Variants in KIF18A observed in about 807,000 individuals in gnomAD.
KIF18A encodes the protein kinesin family member 18A.
KIF18A carries 67 observed loss-of-function variants against 103.3 expected under a neutral mutation model. The observed-to-expected ratio is 0.65, with a 90% CI of 0.53 to 0.79. KIF18A has a LOEUF of 0.79. KIF18A is among the 30% of genes least tolerant of loss of function. The pLI is 0.00. For synonymous variants in KIF18A, 367 were observed against 355.5 expected (o/e 1.03, Z -0.36); for missense variants, 1,032 against 1,062.5 (o/e 0.97, Z 0.40).
chr11:28,069,002 A>G (rs567305692), intron 11 of KIF18A, among the ~76,000 whole-genome samples: 1 of 152,212 alleles, frequency 6.6e-6, no homozygotes, highest in Non-Finnish European at 1.5e-5. Flanking sequence ...TTTGCATAAA[A>G]TATCAAGATT....
At chr11:28,092,283 C>G (rs1219819720) in intron 3 of KIF18A, among the ~76,000 whole-genome samples, 1 of 152,058 alleles carries the variant, frequency 6.6e-6, no homozygotes, top group Non-Finnish European at 1.5e-5. Context: ...TACAGAAAAC[C>G]CATACCAAGG....
intron 3 of KIF18A, among the ~76,000 whole-genome samples, chr11:28,092,779 A>T (rs1367091064): frequency 1.3e-5 from 2 of 152,226 alleles, no homozygotes; most frequent in African/African-American, 4.8e-5. Context: ...ACAATGAATG[A>T]TAGGCATTAG....
chr11:28,063,192 A>T (rs1161377815), intron 11 of KIF18A, among the ~76,000 whole-genome samples: 3 of 152,058 alleles, frequency 2.0e-5, no homozygotes, highest in African/African-American at 7.2e-5. Flanking sequence ...GCCTTGAAAC[A>T]AATGCTACCT....
intron 1 of KIF18A, among the ~76,000 whole-genome samples, chr11:28,103,296 A>T (rs1479303445): frequency 6.6e-6 from 1 of 151,908 alleles, no homozygotes; most frequent in Non-Finnish European, 1.5e-5. Context: ...GAGATCCTCA[A>T]CCAGTAAGCA....
chr11:28,072,874 A>T (rs1433943265), intron 10 of KIF18A, among the ~76,000 whole-genome samples: 2 of 152,134 alleles, frequency 1.3e-5, no homozygotes, highest in Admixed American at 6.6e-5. Flanking sequence ...TTAAGACAGT[A>T]AAATAACAAT....
chr11:28,038,198 A>T (rs1041943617), intron 13 of KIF18A, among the ~76,000 whole-genome samples: 1 of 151,628 alleles, frequency 6.6e-6, no homozygotes, highest in Non-Finnish European at 1.5e-5. Flanking sequence ...TTAAGAAACA[A>T]ATTGTTTCAT....
chr11:28,058,078 T>C (rs546048710), intron 13 of KIF18A, among the ~76,000 whole-genome samples: 2 of 152,002 alleles, frequency 1.3e-5, no homozygotes, highest in South Asian at 2.1e-4. Context: ...CTGAGAAGAG[T>C]TGAAGGTGGC....
At chr11:28,027,675 G>T (rs1256412053) in intron 15 of KIF18A, among the ~76,000 whole-genome samples, 1 of 151,724 alleles carries the variant, frequency 6.6e-6, no homozygotes, top group Non-Finnish European at 1.5e-5. Context: ...CTGAACAAAT[G>T]AATAATAAGT....
intron 1 of KIF18A, among the ~76,000 whole-genome samples, chr11:28,100,257 T>C (rs2133568218): frequency 6.6e-6 from 1 of 152,078 alleles, no homozygotes; most frequent in Admixed American, 6.5e-5. Flanking sequence ...CAGGTGGAAA[T>C]GTCAGGGCAG....
intron 11 of KIF18A, among the ~76,000 whole-genome samples, chr11:28,068,125 C>T (rs1850961441): frequency 1.3e-5 from 2 of 152,104 alleles, no homozygotes; most frequent in Admixed American, 1.3e-4. Context: ...TTTGCAGGGA[C>T]ATGGATGAAG....
At chr11:28,082,337 C>T (rs1851175558) in intron 9 of KIF18A, among the ~76,000 whole-genome samples, 1 of 152,058 alleles carries the variant, frequency 6.6e-6, no homozygotes, top group Non-Finnish European at 1.5e-5. Context: ...ATGCAGTAAA[C>T]TTCATTGTTG....
chr11:28,076,342 T>G (rs1245212913), intron 10 of KIF18A: 1 of 152,230 alleles, frequency 6.6e-6, no homozygotes, highest in Non-Finnish European at 1.5e-5. Flanking sequence ...TGTAAGCTAC[T>G]GCCTGCATCC....
chr11:28,021,493 GT>G (rs1850244337), intron 16 of KIF18A, among the ~76,000 whole-genome samples: 1 of 152,144 alleles, frequency 6.6e-6, no homozygotes, highest in African/African-American at 2.4e-5. Context: ...GCAAACTAAA[GT>G]TTCAGTGAGT....
chr11:28,094,435 C>T (rs1463682071), intron 3 of KIF18A, among the ~76,000 whole-genome samples: 1 of 150,560 alleles, frequency 6.6e-6, no homozygotes, highest in Admixed American at 6.6e-5. Context: ...GTTCTTTGTA[C>T]TATTGTTGCA....
At chr11:28,067,559 T>A (rs924975658) in intron 11 of KIF18A, among the ~76,000 whole-genome samples, 1 of 152,166 alleles carries the variant, frequency 6.6e-6, no homozygotes, top group African/African-American at 2.4e-5. Context: ...ACTAGTATCT[T>A]TGAATTATAA....
At chr11:28,045,648 C>G (rs904803449) in intron 13 of KIF18A, among the ~76,000 whole-genome samples, 4 of 151,956 alleles carry the variant, frequency 2.6e-5, no homozygotes, top group African/African-American at 9.7e-5. Flanking sequence ...AATACATTAG[C>G]AAAACCAGAG....
chr11:28,044,101 C>T (rs955480467), intron 13 of KIF18A, among the ~76,000 whole-genome samples: 9 of 151,928 alleles, frequency 5.9e-5, no homozygotes, highest in African/African-American at 2.2e-4. Context: ...ATCTCCCTTA[C>T]CCCATTACCA....
intron 15 of KIF18A, among the ~76,000 whole-genome samples, chr11:28,032,470 C>T (rs80222437): frequency 1.3e-5 from 2 of 151,902 alleles, no homozygotes; most frequent in South Asian, 4.1e-4. Flanking sequence ...TCAAATTACA[C>T]TACAGAGCTA....
At chr11:28,068,077 A>G (rs1234888368) in intron 11 of KIF18A, among the ~76,000 whole-genome samples, 4 of 152,194 alleles carry the variant, frequency 2.6e-5, no homozygotes, top group Non-Finnish European at 5.9e-5. Context: ...TATACCATGC[A>G]ATACTATGCA....
Sources: allele counts gnomAD v4.1 joint callset (sites outside exome capture counted in the v4.1 genomes callset), GRCh38; gene constraint gnomAD v4.1.1; transcripts MANE v1.5; gene names NCBI Gene and HGNC (gene_info 2026-07-23, HGNC 2026-07-21).